Variants in FNDC1 observed in about 807,000 individuals in gnomAD.
FNDC1 encodes the protein fibronectin type III domain-containing protein 1.
Under a neutral mutation model 168.0 loss-of-function variants are expected in FNDC1, and 96 were observed. The observed-to-expected ratio is 0.57, with a 90% CI of 0.48 to 0.68. FNDC1 has a LOEUF of 0.68. Among genes scored for constraint, FNDC1 ranks in the 30% least tolerant of loss-of-function variants. The pLI is 0.00. For synonymous variants in FNDC1, 1,099 were observed against 1,025.9 expected (o/e 1.07, Z -1.36); for missense variants, 2,587 against 2,482.1 (o/e 1.04, Z -0.90).
At chr6:159,225,490 G>T (rs745972998) in intron 7 of FNDC1, 45 bp from the exon 8 acceptor site, 1 of 1,482,242 alleles carries the variant, frequency 6.7e-7, no homozygotes, top group Admixed American at 1.8e-5. Flanking sequence ...CTAGTGTTGA[G>T]TGGCAGAGAA....
intron 4 of FNDC1, among the ~76,000 whole-genome samples, chr6:159,213,716 C>T (rs1383607581): frequency 6.6e-6 from 1 of 151,398 alleles, no homozygotes; most frequent in Admixed American, 6.6e-5. Context: ...AAAAAAAAAC[C>T]TTTAAAACAA....
At position 159,239,758 on chromosome 6, in the gene FNDC1, CCG is replaced by C. The variant is rs1352436689; in HGVS notation, c.4424_4425del (p.Arg1475HisfsTer48). The C allele has an allele frequency of 5.0e-4, 15 of 30,096 alleles. No homozygotes were observed. Among genetic ancestry groups the C allele is most frequent in the Admixed American group, 1.5e-3 (1 of 678 alleles). The allele number at this position is 30,096 out of a possible 1,614,324, so 1.9% of individuals were successfully genotyped here. On this transcript the variant is annotated frameshift_variant, in exon 14 of 23. Transcript: ENST00000297267. LOFTEE classifies it high-confidence loss of function. ...TPRPTTATTR[R>X]TTTTRRTTTR... is the part of the protein sequence containing the mutation. ...CGAGGCCCACCACTGCCACCACCCG[CCG>C]CACGACCACCACCCGCCGCACGACC...
intron 9 of FNDC1, 64 bp downstream of exon 9, chr6:159,226,644 G>A (rs757834179): frequency 7.8e-6 from 10 of 1,279,146 alleles, no homozygotes; most frequent in African/African-American, 1.5e-5. Flanking sequence ...CTCTGCTTAC[G>A]GCTTTGTTGA....
At position 159,233,383 on chromosome 6, in the gene FNDC1, C is replaced by T. The variant is rs762227524; in HGVS notation, c.2871C>T (p.Asp957=). 1.2e-6 allele frequency: 2 copies of T among 1,613,752 alleles called. No homozygotes were observed. Among genetic ancestry groups the T allele is most frequent in the East Asian group, 2.2e-5 (1 of 44,862 alleles). ...CTCAGGATGTTCAACAGAGCACAGA[C>T]GCGGACACGGAGGGTCATTCTCCCA... ...SKAQDVQQST[D]ADTEGHSPKA... is the part of the protein sequence containing the mutation. Residue 957 remains aspartate (D), a synonymous_variant, in exon 11 of 23, where the codon GAC becomes GAT. Transcript: ENST00000297267. The surrounding 1 kb of genome is among the most constrained non-coding windows in gnomAD (Gnocchi z 4.6).
At chr6:159,223,677 T>A (rs2114978803) in intron 7 of FNDC1, 32 bp downstream of exon 7, 1 of 1,383,820 alleles carries the variant, frequency 7.2e-7, no homozygotes, top group Non-Finnish European at 1.0e-6. Context: ...TCTTTATATA[T>A]GAGAGATGGG....
At chr6:159,265,389 C>T (rs917646849) in intron 20 of FNDC1, among the ~76,000 whole-genome samples, 6 of 152,172 alleles carry the variant, frequency 3.9e-5, no homozygotes, top group African/African-American at 7.2e-5. Context: ...GACTGCAAAT[C>T]AGGTCTTCTG....
chr6:159,245,749 T>C (rs1234103867), intron 14 of FNDC1, among the ~76,000 whole-genome samples: 2 of 19,210 alleles, frequency 1.0e-4, no homozygotes, highest in Admixed American at 5.0e-4. Context: ...GTAATTTTTT[T>C]TTTTTTTTTT....
intron 4 of FNDC1, among the ~76,000 whole-genome samples, chr6:159,213,714 A>T (rs904110939): frequency 2.7e-5 from 4 of 150,248 alleles, no homozygotes; most frequent in African/African-American, 9.9e-5. Context: ...AAAAAAAAAA[A>T]CCTTTAAAAC....
At chr6:159,198,970 CA>C (rs1489477800) in intron 2 of FNDC1, among the ~76,000 whole-genome samples, 5 of 152,358 alleles carry the variant, frequency 3.3e-5, no homozygotes, top group South Asian at 2.1e-4. Flanking sequence ...GCAGGCATCC[CA>C]GGGGGCATCA....
chr6:159,270,415 T>G (rs1250875208), intron 22 of FNDC1, among the ~76,000 whole-genome samples: 1 of 152,166 alleles, frequency 6.6e-6, no homozygotes, highest in Non-Finnish European at 1.5e-5. Context: ...ATCTACAAAC[T>G]ATATCACCTT....
intron 5 of FNDC1, among the ~76,000 whole-genome samples, chr6:159,220,031 A>C (rs1782787594): frequency 6.6e-6 from 1 of 152,286 alleles, no homozygotes; most frequent in Admixed American, 6.5e-5. Flanking sequence ...CTTTTATAAA[A>C]CATTTTAAAA....
chr6:159,181,770 C>G (rs1276573802), intron 1 of FNDC1, among the ~76,000 whole-genome samples: 5 of 152,142 alleles, frequency 3.3e-5, no homozygotes, highest in African/African-American at 1.2e-4. Context: ...GTGCCTTTCT[C>G]TTTTTTTCTG....
intron 1 of FNDC1, among the ~76,000 whole-genome samples, chr6:159,178,367 A>G (rs951650705): frequency 5.9e-5 from 9 of 152,150 alleles, no homozygotes; most frequent in Non-Finnish European, 1.5e-5. Context: ...CTAAATCAAC[A>G]TCATTTTCTC....
intron 9 of FNDC1, among the ~76,000 whole-genome samples, chr6:159,228,956 G>A (rs972395061): frequency 3.9e-5 from 6 of 152,164 alleles, no homozygotes; most frequent in African/African-American, 1.2e-4. Context: ...GATTACAGGC[G>A]TGAGCAACCA....
chr6:159,237,933 C>G (rs1783301521), intron 12 of FNDC1, among the ~76,000 whole-genome samples: 1 of 152,188 alleles, frequency 6.6e-6, no homozygotes, highest in South Asian at 2.1e-4. Flanking sequence ...ATTATTTAAT[C>G]TCTTCCCTCA....
At chr6:159,221,959 C>T (rs948507294) in intron 6 of FNDC1, among the ~76,000 whole-genome samples, 6 of 152,144 alleles carry the variant, frequency 3.9e-5, no homozygotes, top group Non-Finnish European at 5.9e-5. Context: ...AGCAGCCAAG[C>T]GTTCATTCCA....
At chr6:159,240,252 C>T (rs1036320109) in intron 14 of FNDC1, among the ~76,000 whole-genome samples, 15 of 152,206 alleles carry the variant, frequency 9.9e-5, no homozygotes, top group African/African-American at 3.6e-4. Flanking sequence ...ATGCTTATCA[C>T]AACCCAAGTC....
intron 6 of FNDC1, among the ~76,000 whole-genome samples, chr6:159,223,027 G>A (rs923524781): frequency 2.3e-5 from 3 of 128,714 alleles, no homozygotes; most frequent in Admixed American, 2.0e-4. Flanking sequence ...TGGAGTTTTC[G>A]CTCTGTTGCC....
intron 1 of FNDC1, among the ~76,000 whole-genome samples, chr6:159,173,730 T>C (rs775061484): frequency 5.3e-5 from 8 of 152,208 alleles, no homozygotes; most frequent in Non-Finnish European, 1.0e-4. Flanking sequence ...CAATACAAAT[T>C]TATGATCTTT....
Sources: gnomAD v4.1 joint callset for allele counts (sites outside exome capture counted in the v4.1 genomes callset) on GRCh38, gnomAD v4.1.1 for gene constraint, Gnocchi (gnomAD v3.1) non-coding constraint, MANE v1.5 for transcripts, NCBI Gene and HGNC (gene_info 2026-07-23, HGNC 2026-07-21) for gene names.